Variants in DIAPH3 observed in about 807,000 individuals in gnomAD.
DIAPH3 encodes protein diaphanous homolog 3.
In DIAPH3, 117 loss-of-function variants were observed where a neutral mutation model predicts 144.3. That is an observed-to-expected ratio of 0.81 (90% CI 0.70 to 0.95). DIAPH3 has a LOEUF of 0.95. DIAPH3 is among the 40% of genes least tolerant of loss of function. DIAPH3 has a pLI of 0.00. For missense variants in DIAPH3, 1,421 were observed against 1,412.7 expected (o/e 1.01, Z -0.09); for synonymous variants, 519 against 488.9 (o/e 1.06, Z -0.81).
intron 25 of DIAPH3, among the ~76,000 whole-genome samples, chr13:59,799,144 A>G (rs890440037): frequency 3.3e-5 from 5 of 152,140 alleles, no homozygotes; most frequent in Non-Finnish European, 5.9e-5. Context: ...TTTGGTTACC[A>G]TTCAAAGGCA....
intron 7 of DIAPH3, among the ~76,000 whole-genome samples, chr13:60,014,586 AAAAT>A (rs1463810033): frequency 6.6e-6 from 1 of 152,176 alleles, no homozygotes; most frequent in African/African-American, 2.4e-5. Context: ...TACATGTAGT[AAAAT>A]AAATATAAAA....
chr13:59,796,851 G>A (rs941345133), intron 25 of DIAPH3, among the ~76,000 whole-genome samples: 1 of 152,126 alleles, frequency 6.6e-6, no homozygotes, highest in African/African-American at 2.4e-5. Flanking sequence ...ACAAGTGAGT[G>A]GAAGAGTAGG....
chr13:59,704,239 C>T (rs910298419), intron 27 of DIAPH3, among the ~76,000 whole-genome samples: 1 of 152,226 alleles, frequency 6.6e-6, no homozygotes, highest in Non-Finnish European at 1.5e-5. Context: ...ACTGCCGAAA[C>T]GTGGCTGGCT....
chr13:60,149,379 GA>G (rs1951678794), intron 1 of DIAPH3, among the ~76,000 whole-genome samples: 1 of 152,190 alleles, frequency 6.6e-6, no homozygotes, highest in Admixed American at 6.5e-5. Flanking sequence ...TCATTCCTAA[GA>G]TCTTAAGCGA....
At chr13:59,947,481 A>G (rs2048859017) in intron 17 of DIAPH3, among the ~76,000 whole-genome samples, 1 of 152,224 alleles carries the variant, frequency 6.6e-6, no homozygotes. Flanking sequence ...ATGTGTTACA[A>G]TCAGACACGA....
chr13:59,852,613 A>T (rs2043041391), intron 22 of DIAPH3, among the ~76,000 whole-genome samples: 1 of 152,214 alleles, frequency 6.6e-6, no homozygotes, highest in Non-Finnish European at 1.5e-5. Context: ...TAGTATGTCC[A>T]ACTCGTAAAA....
chr13:59,700,531 A>G (rs535778012), intron 27 of DIAPH3, among the ~76,000 whole-genome samples: 1 of 152,322 alleles, frequency 6.6e-6, no homozygotes, highest in East Asian at 1.9e-4. Flanking sequence ...ATTAGGTTTA[A>G]GCCATGTGAA....
At chr13:60,147,252 C>T (rs1016512201) in intron 1 of DIAPH3, 2 of 152,074 alleles carry the variant, frequency 1.3e-5, no homozygotes, top group African/African-American at 4.8e-5. Flanking sequence ...TTCCTATTTA[C>T]AGAGAAAAGG....
intron 17 of DIAPH3, among the ~76,000 whole-genome samples, chr13:59,963,010 GT>G (rs1044687208): frequency 6.6e-6 from 1 of 151,774 alleles, no homozygotes; most frequent in Non-Finnish European, 1.5e-5. Context: ...AAGTATGTGG[GT>G]TTTTTTTCCT....
chr13:59,837,479 T>C (rs1276885028), intron 23 of DIAPH3, among the ~76,000 whole-genome samples: 1 of 152,070 alleles, frequency 6.6e-6, no homozygotes, highest in African/African-American at 2.4e-5. Context: ...TCTATAAACC[T>C]GAGCTTCATA....
chr13:59,735,884 T>A lies in DIAPH3; in HGVS notation c.3319+38305A>T, dbSNP rs148462495. ...GGGATTTGTTGCACAGATTATTTCA[T>A]CACTCAGGCATTAACCCTAGTCTCC... On this transcript the variant is annotated intron_variant, in intron 27 of 27. Transcript: ENST00000400324. Among the ~76,000 whole-genome samples, 51 of 152,292 alleles carry A rather than the reference T, an allele frequency of 3.3e-4. 1 individual carries two copies. In the East Asian group the frequency reaches 7.5e-3, roughly 22 times the overall value.
intron 27 of DIAPH3, among the ~76,000 whole-genome samples, chr13:59,692,082 A>C (rs2033553463): frequency 2.6e-5 from 4 of 151,706 alleles, no homozygotes; most frequent in Admixed American, 2.6e-4. Flanking sequence ...AAATACTAGA[A>C]TAAAACTTAT....
At chr13:59,967,209 G>C (rs1483037171) in intron 17 of DIAPH3, among the ~76,000 whole-genome samples, 1 of 151,922 alleles carries the variant, frequency 6.6e-6, no homozygotes, top group African/African-American at 2.4e-5. Context: ...TGGGACTACA[G>C]GTGTGCACCA....
chr13:60,008,714 T>C, intron 8 of DIAPH3, 65 bp from the exon 9 acceptor site: 1 of 1,024,976 alleles, frequency 9.8e-7, no homozygotes, highest in South Asian at 1.3e-5. Flanking sequence ...TACAATTGCT[T>C]TATCCTACTA....
chr13:59,799,320 T>C (rs927194198), intron 25 of DIAPH3, among the ~76,000 whole-genome samples: 3 of 149,734 alleles, frequency 2.0e-5, no homozygotes, highest in African/African-American at 7.4e-5. Flanking sequence ...GAAGAGATCA[T>C]GGAAGGGAAT....
At chr13:59,878,349 A>T (rs2044765755) in intron 21 of DIAPH3, among the ~76,000 whole-genome samples, 1 of 152,212 alleles carries the variant, frequency 6.6e-6, no homozygotes, top group Admixed American at 6.5e-5. Flanking sequence ...GGGAAATTGT[A>T]TAAGAAAATT....
intron 27 of DIAPH3, among the ~76,000 whole-genome samples, chr13:59,750,469 T>C (rs1485475847): frequency 6.6e-6 from 1 of 152,242 alleles, no homozygotes; most frequent in Non-Finnish European, 1.5e-5. Context: ...TTTTATCAAA[T>C]TAAACTAGCA....
At chr13:59,774,310 C>T (rs1184250924) in intron 26 of DIAPH3, 62 bp from the exon 27 acceptor site, 3 of 1,337,486 alleles carry the variant, frequency 2.2e-6, no homozygotes, top group Non-Finnish European at 3.1e-6. Context: ...AGAAGGAAAA[C>T]AGTATTAGAC....
intron 4 of DIAPH3, among the ~76,000 whole-genome samples, chr13:60,048,857 C>T (rs1420308656): frequency 2.5e-5 from 3 of 121,564 alleles, no homozygotes; most frequent in Admixed American, 1.7e-4. Flanking sequence ...TACTGGTGGA[C>T]ATATAAAATG....
Sources: allele counts gnomAD v4.1 joint callset (sites outside exome capture counted in the v4.1 genomes callset), GRCh38; gene constraint gnomAD v4.1.1; transcripts MANE v1.5; gene names NCBI Gene and HGNC (gene_info 2026-07-23, HGNC 2026-07-21).